Variants in PLA2G4A observed in about 807,000 individuals in gnomAD.
PLA2G4A encodes phospholipase A2 group IVA.
PLA2G4A carries 40 observed loss-of-function variants against 81.9 expected under a neutral mutation model. The ratio of observed to expected loss-of-function variants is 0.49; its 90% CI spans 0.38 to 0.64. PLA2G4A has a LOEUF of 0.64. PLA2G4A is among the 30% of genes least tolerant of loss of function. The pLI is 0.00. For missense variants in PLA2G4A, 715 were observed against 905.1 expected, an observed-to-expected ratio of 0.79 and a Z score of 2.69; for synonymous variants, 302 against 296.9, an observed-to-expected ratio of 1.02 and a Z score of -0.18.
intron 10 of PLA2G4A, among the ~76,000 whole-genome samples, chr1:186,941,812 C>T (rs1656165542): frequency 6.6e-6 from 1 of 152,090 alleles, no homozygotes; most frequent in Non-Finnish European, 1.5e-5. Context: ...GAAGTTAAGG[C>T]ACAAGAGAGT....
intron 2 of PLA2G4A, among the ~76,000 whole-genome samples, chr1:186,867,323 C>T (rs1653069052): frequency 1.3e-5 from 2 of 152,168 alleles, no homozygotes; most frequent in South Asian, 2.1e-4. Context: ...TTGAGTCTTC[C>T]CATCCATGAA....
chr1:186,838,400 C>T (rs1651865137), intron 1 of PLA2G4A, among the ~76,000 whole-genome samples: 1 of 152,086 alleles, frequency 6.6e-6, no homozygotes, highest in Non-Finnish European at 1.5e-5. Context: ...CAAATCTAAA[C>T]AAAAATTCAT....
chr1:186,982,597 C>A (rs1657756781), intron 17 of PLA2G4A, among the ~76,000 whole-genome samples: 1 of 152,112 alleles, frequency 6.6e-6, no homozygotes, highest in African/African-American at 2.4e-5. Flanking sequence ...TATATATTTT[C>A]TGAATGAACA....
In PLA2G4A at chr1:186,932,966, TAGAAG is replaced by T. The variant is rs1655809413; in HGVS notation, c.695+72_695+76del. The T allele has an allele frequency of 2.6e-6, 3 of 1,166,962 alleles. No homozygotes were observed. The African/African-American group carries it at 4.6e-5, about 18-fold the overall frequency. 72.3% of individuals were successfully genotyped at this position (1,166,962 alleles called of 1,614,324 possible). On this transcript the variant is annotated intron_variant, in intron 8 of 17. Coordinates refer to ENST00000367466, the MANE Select transcript of PLA2G4A (RefSeq NM_024420.3). ...TTTAGGATTTATCTAACTCAAGCAC[TAGAAG>T]AGAAAAGGGGATTTAGAAAATTGAT...
chr1:186,882,058 AC>A (rs1653753559), intron 3 of PLA2G4A, among the ~76,000 whole-genome samples: 1 of 152,050 alleles, frequency 6.6e-6, no homozygotes, highest in South Asian at 2.1e-4. Flanking sequence ...CTGGGTTAAA[AC>A]CCCAACTCTG....
intron 3 of PLA2G4A, among the ~76,000 whole-genome samples, chr1:186,872,425 C>T (rs1253039523): frequency 6.6e-6 from 1 of 152,084 alleles, no homozygotes; most frequent in African/African-American, 2.4e-5. Context: ...AATTCTGTGT[C>T]AGTAGCTTGT....
chr1:186,912,732 A>C (rs987043766), intron 7 of PLA2G4A, among the ~76,000 whole-genome samples: 5 of 144,414 alleles, frequency 3.5e-5, no homozygotes, highest in Admixed American at 2.1e-4. Context: ...TTATATATAC[A>C]TATATATACA....
intron 17 of PLA2G4A, 109 bp downstream of exon 17, chr1:186,979,581 C>T: frequency 1.3e-6 from 1 of 778,104 alleles, no homozygotes; most frequent in Non-Finnish European, 2.2e-6. Flanking sequence ...ATGAATGACA[C>T]CACCCAAAAT....
intron 7 of PLA2G4A, among the ~76,000 whole-genome samples, chr1:186,920,307 CA>C (rs1655300938): frequency 6.6e-6 from 1 of 152,190 alleles, no homozygotes. Flanking sequence ...CAGAAATACA[CA>C]AGAACTGGTG....
At chr1:186,977,175 T>G (rs1426896696) in intron 15 of PLA2G4A, among the ~76,000 whole-genome samples, 1 of 152,204 alleles carries the variant, frequency 6.6e-6, no homozygotes, top group African/African-American at 2.4e-5. Flanking sequence ...TTTTTAACAC[T>G]TTGGTGGAGA....
intron 3 of PLA2G4A, among the ~76,000 whole-genome samples, chr1:186,880,333 T>C (rs1303598959): frequency 6.6e-6 from 1 of 152,026 alleles, no homozygotes; most frequent in Non-Finnish European, 1.5e-5. Context: ...ATATTTAAAG[T>C]GAGATTGACA....
At chr1:186,889,765 T>C (rs1654069090) in intron 3 of PLA2G4A, among the ~76,000 whole-genome samples, 1 of 18,852 alleles carries the variant, frequency 5.3e-5, no homozygotes, top group Non-Finnish European at 1.0e-4. Context: ...TTGGATCTTT[T>C]TGTTTAGACC....
intron 5 of PLA2G4A, among the ~76,000 whole-genome samples, chr1:186,898,233 T>A (rs1654411235): frequency 6.6e-6 from 1 of 152,126 alleles, no homozygotes. Context: ...AATATAAGCC[T>A]CTATTGTGCT....
At chr1:186,887,806 C>A (rs1315422244) in intron 3 of PLA2G4A, among the ~76,000 whole-genome samples, 1 of 152,136 alleles carries the variant, frequency 6.6e-6, no homozygotes, top group Non-Finnish European at 1.5e-5. Context: ...GGCTGCCTTC[C>A]TTTTCAAATC....
intron 1 of PLA2G4A, among the ~76,000 whole-genome samples, chr1:186,841,433 G>A (rs185195511): frequency 1.2e-3 from 178 of 152,224 alleles, no homozygotes; most frequent in Non-Finnish European, 2.3e-3. Context: ...TGCATGTGGG[G>A]GGCAGGGTGG....
At chr1:186,830,893 T>C (rs1025473205) in intron 1 of PLA2G4A, among the ~76,000 whole-genome samples, 2 of 152,090 alleles carry the variant, frequency 1.3e-5, no homozygotes, top group Admixed American at 6.5e-5. Context: ...TGTTTGCTTT[T>C]ATTTACCATC....
At chr1:186,948,042 T>G (rs1361344219) in intron 12 of PLA2G4A, among the ~76,000 whole-genome samples, 1 of 152,186 alleles carries the variant, frequency 6.6e-6, no homozygotes, top group Non-Finnish European at 1.5e-5. Context: ...TAAGTTGGCT[T>G]ATAAGCAGTA....
Position 186,950,044 on chromosome 1 carries a change from A to T in PLA2G4A, c.1265-613A>T, listed in dbSNP as rs12720637. Reference sequence around the variant, plus strand: ...TTTAAAAAACATAAAGAAGAAAGATAACTAGTTATTATGCTAGAATTTACT... The same window carrying T: ...TTTAAAAAACATAAAGAAGAAAGATTACTAGTTATTATGCTAGAATTTACT... On this transcript the variant is annotated intron_variant, in intron 12 of 17. Transcript: ENST00000367466. Among the ~76,000 whole-genome samples, 1,121 of 152,164 alleles carry T rather than the reference A, an allele frequency of 7.4e-3. 55 individuals carry two copies. In the East Asian group the frequency reaches 0.15, roughly 20 times the overall value.
intron 15 of PLA2G4A, among the ~76,000 whole-genome samples, chr1:186,972,511 T>C (rs571008465): frequency 1.2e-4 from 18 of 152,188 alleles, no homozygotes; most frequent in Non-Finnish European, 2.4e-4. Flanking sequence ...ATTCAGAGTT[T>C]ACTACTTGAA....
Sources: gnomAD v4.1 joint callset for allele counts (sites outside exome capture counted in the v4.1 genomes callset) on GRCh38, gnomAD v4.1.1 for gene constraint, MANE v1.5 for transcripts, NCBI Gene and HGNC (gene_info 2026-07-23, HGNC 2026-07-21) for gene names.